MFHAS1: variants seen among roughly 807,000 people sequenced by gnomAD.
The protein encoded by MFHAS1 is multifunctional ROCO family signaling regulator 1, also known as malignant fibrous histiocytoma-amplified sequence 1.
MFHAS1 carries 50 observed loss-of-function variants against 70.4 expected under a neutral mutation model. The observed-to-expected ratio is 0.71, with a 90% confidence interval of 0.57 to 0.90. The LOEUF is 0.90. Ranked by LOEUF, MFHAS1 falls within the 40% of genes least tolerant of loss-of-function variation. The pLI is 0.00. For missense variants in MFHAS1, 1,795 were observed against 1,347.6 expected (o/e 1.33, Z -5.20); for synonymous variants, 952 against 620.0 (o/e 1.54, Z -7.96).
chr8:8,893,005 G>T lies in MFHAS1; in HGVS notation c.54C>A (p.Ala18=). ...NLKTARLWRD[A]ALRARKLRSN... The stretch of plus-strand genomic sequence containing the variant: ...TCCGCAGCTTCCTGGCACGCAGGGC[G>T]GCGTCCCGCCACAGCCTCGCGGTCT... Residue 18 remains alanine (A), a synonymous_variant, in exon 1 of 3, where the codon GCC becomes GCA. Coordinates refer to ENST00000276282, the MANE Select transcript of MFHAS1 (RefSeq NM_004225.3). 6.5e-7 allele frequency: 1 copy of T among 1,535,666 alleles called. No individual in the cohort carries two copies. The highest frequency in any genetic ancestry group is 8.7e-7 in the Non-Finnish European group (1 of 1,144,148).
In MFHAS1 at chr8:8,821,587, C is replaced by G. The variant is rs566348278; in HGVS notation, c.2999-24096G>C. Among the ~76,000 whole-genome samples the G allele has an allele frequency of 1.8e-4, 28 of 151,766 alleles. No individual in the cohort carries two copies. In the South Asian group the frequency reaches 5.7e-3, roughly 31 times the overall value. On this transcript the variant is annotated intron_variant, in intron 1 of 2. Transcript: ENST00000276282. ...ACATTTTCTTAAAAGGTGGGGGGTGCTTTTTAAATATCGCACAAAAAAGCC... is the reference window on the plus strand; with the variant it reads ...ACATTTTCTTAAAAGGTGGGGGGTGGTTTTTAAATATCGCACAAAAAAGCC...
intron 1 of MFHAS1, among the ~76,000 whole-genome samples, chr8:8,820,626 C>T (rs937305840): frequency 6.6e-6 from 1 of 152,098 alleles, no homozygotes. Context: ...CCTTGCATCC[C>T]CTTGAGGAAA....
chr8:8,892,482 G>T lies in MFHAS1; in HGVS notation c.577C>A (p.Leu193Ile). The change falls in exon 1 of 3, where the codon CTC (leucine) becomes ATC (isoleucine). Residue 193 changes from leucine (L) to isoleucine (I), a missense_variant. Physicochemically the swap from Leu to Ile is conservative, Grantham distance 5. Coordinates refer to ENST00000276282, the MANE Select transcript of MFHAS1 (RefSeq NM_004225.3). The surrounding 1 kb of genome is among the most constrained non-coding windows in gnomAD (Gnocchi z 4.7). ...LRTLDVDHNQ[L>I]TAFPRQLLQL... ...AGCAGCTGCCGGGGGAAGGCAGTGAGCTGGTTGTGATCCACGTCCAGGGTG... is the reference window on the plus strand; with the variant it reads ...AGCAGCTGCCGGGGGAAGGCAGTGATCTGGTTGTGATCCACGTCCAGGGTG... 1 of 1,607,082 alleles carries T rather than the reference G, an allele frequency of 6.2e-7. No individual in the cohort carries two copies.
At chr8:8,830,844 A>G (rs1226358521) in intron 1 of MFHAS1, among the ~76,000 whole-genome samples, 1 of 152,068 alleles carries the variant, frequency 6.6e-6, no homozygotes, top group African/African-American at 2.4e-5. Context: ...TGATCCGCCC[A>G]CCTCGGCCTC....
intron 1 of MFHAS1, among the ~76,000 whole-genome samples, chr8:8,871,537 G>A (rs1264138491): frequency 1.3e-5 from 2 of 152,184 alleles, no homozygotes; most frequent in African/African-American, 4.8e-5. Flanking sequence ...GCAACAGAGT[G>A]ATCACAAACA....
rs1283912235 is a variant in MFHAS1, at chr8:8,892,793, A to G, written c.266T>C (p.Leu89Pro). Reference protein sequence around the residue: ...PEGLGSALGSLRVLVLRRNRF... With the variant: ...PEGLGSALGSPRVLVLRRNRF... ...GTTCCTGCGCAGGACCAGGACGCGC[A>G]GGCTGCCCAGCGCCGACCCCAGCCC... The change falls in exon 1 of 3, where the codon CTG becomes CCG. Residue 89 changes from leucine to proline, a missense_variant. Physicochemically the swap from Leu to Pro is moderately conservative, Grantham distance 98. Coordinates refer to ENST00000276282, the MANE Select transcript of MFHAS1 (RefSeq NM_004225.3). This position sits in a 1 kb window ranked among gnomAD's most constrained non-coding sequence, Gnocchi z 4.7. 6.3e-7 allele frequency: 1 copy of G among 1,584,474 alleles called. No individual in the cohort carries two copies. The highest frequency in any genetic ancestry group is 1.1e-5 in the South Asian group (1 of 87,506).
intron 1 of MFHAS1, among the ~76,000 whole-genome samples, chr8:8,855,362 C>A (rs1009186231): frequency 6.6e-6 from 1 of 152,208 alleles, no homozygotes; most frequent in Non-Finnish European, 1.5e-5. Flanking sequence ...GGTGAAAGAG[C>A]CAGACCTGAA....
chr8:8,833,219 C>T (rs912478713), intron 1 of MFHAS1, among the ~76,000 whole-genome samples: 3 of 152,140 alleles, frequency 2.0e-5, no homozygotes, highest in African/African-American at 7.2e-5. Context: ...CCCACCAGGC[C>T]CCACCTTCAG....
At chr8:8,788,037 TG>T (rs1805611913) in intron 2 of MFHAS1, among the ~76,000 whole-genome samples, 1 of 152,218 alleles carries the variant, frequency 6.6e-6, no homozygotes, top group Non-Finnish European at 1.5e-5. Flanking sequence ...TACGACTTCC[TG>T]GAACTTTTCC....
intron 1 of MFHAS1, among the ~76,000 whole-genome samples, chr8:8,821,405 C>G (rs779564212): frequency 6.6e-6 from 1 of 152,186 alleles, no homozygotes; most frequent in Non-Finnish European, 1.5e-5. Flanking sequence ...GTACAAAGAT[C>G]GAAGATCGGC....
At chr8:8,889,952 C>T in intron 1 of MFHAS1, 109 bp downstream of exon 1, 4 of 924,938 alleles carry the variant, frequency 4.3e-6, no homozygotes, top group Non-Finnish European at 4.9e-6. Context: ...CGAAGCTTTC[C>T]TGGAGAACCC....
intron 1 of MFHAS1, among the ~76,000 whole-genome samples, chr8:8,800,855 C>T (rs1244730634): frequency 6.6e-6 from 1 of 152,096 alleles, no homozygotes; most frequent in African/African-American, 2.4e-5. Context: ...CTGGCACCAG[C>T]CTGGTGCAGC....
At chr8:8,824,521 T>TCTCTCACA (rs1484537416) in intron 1 of MFHAS1, among the ~76,000 whole-genome samples, 1 of 145,912 alleles carries the variant, frequency 6.9e-6, no homozygotes, top group African/African-American at 2.6e-5. Context: ...TCTCTCTCTT[T>TCTCTCACA]CACACACACA....
rs1305942209 is a variant in MFHAS1, at chr8:8,797,265, G to T, written c.3125+100C>A. On this transcript the variant is annotated intron_variant, in intron 2 of 2. Transcript: ENST00000276282. ...ATGTCTGTTCAGGAGGACTTTGCAA[G>T]GTTTGTGCAGATGCAGTTTAACCTG... is the stretch of plus-strand genomic sequence containing the variant. The T allele has an allele frequency of 4.3e-6, 6 of 1,410,678 alleles. No individual in the cohort carries two copies. In the Admixed American group the frequency reaches 6.0e-5, roughly 14 times the overall value. 87.4% of individuals were successfully genotyped at this position (1,410,678 alleles called of 1,614,324 possible). A position where few individuals can be genotyped will look rare whatever the true frequency, so the allele number is the denominator to read the frequency against.
chr8:8,872,044 C>T (rs1809094476), intron 1 of MFHAS1, among the ~76,000 whole-genome samples: 1 of 152,096 alleles, frequency 6.6e-6, no homozygotes, highest in South Asian at 2.1e-4. Flanking sequence ...GAGGCTAAGG[C>T]AAAAAGTTAT....
intron 2 of MFHAS1, 47 bp downstream of exon 2, chr8:8,797,318 G>A (rs564627557): frequency 6.2e-7 from 1 of 1,607,312 alleles, no homozygotes; most frequent in African/African-American, 1.3e-5. Flanking sequence ...CTATGGAGCT[G>A]GGATCAGGAG....
intron 1 of MFHAS1, among the ~76,000 whole-genome samples, chr8:8,816,916 G>A (rs746276310): frequency 3.3e-5 from 5 of 152,146 alleles, no homozygotes; most frequent in African/African-American, 7.2e-5. Context: ...ATATATAAGC[G>A]TGGCTTCTTT....
chr8:8,866,629 C>G (rs539473545), intron 1 of MFHAS1, among the ~76,000 whole-genome samples: 1 of 152,268 alleles, frequency 6.6e-6, no homozygotes, highest in African/African-American at 2.4e-5. Context: ...GTAAGGATCA[C>G]TCTTATCCCT....
intron 1 of MFHAS1, among the ~76,000 whole-genome samples, chr8:8,869,200 CA>C (rs1808975442): frequency 6.6e-6 from 1 of 152,134 alleles, no homozygotes; most frequent in African/African-American, 2.4e-5. Flanking sequence ...AATGAAAAAT[CA>C]AAGCACAAAC....
Sources: allele counts gnomAD v4.1 joint callset (sites outside exome capture counted in the v4.1 genomes callset), GRCh38; gene constraint gnomAD v4.1.1; non-coding constraint Gnocchi (gnomAD v3.1); transcripts MANE v1.5; gene names NCBI Gene and HGNC (gene_info 2026-07-23, HGNC 2026-07-21).